MCTP1: variants seen among roughly 807,000 people sequenced by gnomAD.
MCTP1 encodes the protein multiple C2 and transmembrane domain containing 1.
A neutral mutation model predicts 120.6 loss-of-function variants in MCTP1; 69 were observed. The observed-to-expected ratio is 0.57, with a 90% confidence interval of 0.47 to 0.70. The LOEUF (loss-of-function observed/expected upper bound fraction) is 0.70. MCTP1 is among the 30% of genes least tolerant of loss of function. The probability of loss-of-function intolerance (pLI) is 0.00; values close to 1 mark genes in which losing one functional copy is unlikely to be tolerated. For missense variants in MCTP1, 1,203 were observed against 1,248.8 expected (o/e 0.96, Z 0.55); for synonymous variants, 529 against 493.1 (o/e 1.07, Z -0.96).
At chr5:95,126,465 T>TA (rs1269950767) in intron 1 of MCTP1, among the ~76,000 whole-genome samples, 1 of 152,200 alleles carries the variant, frequency 6.6e-6, no homozygotes, top group Non-Finnish European at 1.5e-5. Flanking sequence ...ATGGTCTGTT[T>TA]AAAGAAAAAC....
chr5:95,255,939 G>C (rs1011405908), intron 1 of MCTP1, among the ~76,000 whole-genome samples: 1 of 152,096 alleles, frequency 6.6e-6, no homozygotes, highest in Non-Finnish European at 1.5e-5. Flanking sequence ...CAAGCACAAC[G>C]GAAGTGTTCG....
At chr5:95,122,480 A>G (rs1758315040) in intron 1 of MCTP1, among the ~76,000 whole-genome samples, 2 of 152,216 alleles carry the variant, frequency 1.3e-5, no homozygotes. Context: ...AATGGCTTAT[A>G]TCCAAAAGAC....
chr5:94,956,056 C>G (rs1822532631), intron 2 of MCTP1, among the ~76,000 whole-genome samples: 1 of 152,214 alleles, frequency 6.6e-6, no homozygotes, highest in Non-Finnish European at 1.5e-5. Context: ...TGGGATGAAG[C>G]TTCCAGAGGA....
chr5:94,912,696 G>T, intron 9 of MCTP1, 110 bp downstream of exon 9: 1 of 848,142 alleles, frequency 1.2e-6, no homozygotes, highest in Non-Finnish European at 1.7e-6. Context: ...GTTCAAAAGA[G>T]TTTGTTAAGC....
chr5:95,199,134 A>C (rs1253483264), intron 1 of MCTP1, among the ~76,000 whole-genome samples: 1 of 152,206 alleles, frequency 6.6e-6, no homozygotes, highest in Non-Finnish European at 1.5e-5. Flanking sequence ...CATTAAACAT[A>C]AATACAAATT....
At chr5:94,719,818 C>T (rs1760439528) in intron 19 of MCTP1, among the ~76,000 whole-genome samples, 1 of 152,110 alleles carries the variant, frequency 6.6e-6, no homozygotes, top group Admixed American at 6.6e-5. Flanking sequence ...GCGCATGTGT[C>T]CCAGAACTTA....
At chr5:94,976,721 A>C (rs1828196691) in intron 2 of MCTP1, 1 of 152,120 alleles carries the variant, frequency 6.6e-6, no homozygotes, top group Non-Finnish European at 1.5e-5. Context: ...ATGTGTATAG[A>C]GAAGTTATGG....
At chr5:94,900,039 T>C (rs951129316) in intron 10 of MCTP1, among the ~76,000 whole-genome samples, 2 of 152,212 alleles carry the variant, frequency 1.3e-5, no homozygotes, top group Non-Finnish European at 2.9e-5. Context: ...TTTGCACTAT[T>C]TACGAGATAT....
chr5:94,947,720 G>T (rs1819478672), intron 3 of MCTP1, among the ~76,000 whole-genome samples: 1 of 149,840 alleles, frequency 6.7e-6, no homozygotes, highest in Non-Finnish European at 1.5e-5. Context: ...GGGTTTAAGG[G>T]ATCCTCCAGG....
In MCTP1 at chr5:94,707,460, C is replaced by T; in HGVS notation, c.*36G>A. ...CTGAGGGCTTTTTCTTTTATCTTCC[C>T]AAACAGATGCTGGTCTCCTCAGTGC... On this transcript the variant is annotated 3_prime_UTR_variant, in exon 23 of 23. Transcript: ENST00000515393. 6.6e-7 allele frequency: 1 copy of T among 1,525,678 alleles called. No individual in the cohort carries two copies. 94.5% of individuals were successfully genotyped at this position (1,525,678 alleles called of 1,614,324 possible). A position where few individuals can be genotyped will look rare whatever the true frequency, so the allele number is the denominator to read the frequency against.
chr5:95,082,477 G>A (rs1268071218), intron 1 of MCTP1, among the ~76,000 whole-genome samples: 1 of 151,824 alleles, frequency 6.6e-6, no homozygotes, highest in Non-Finnish European at 1.5e-5. Context: ...CCTCATCAAG[G>A]AAAAAAAGCT....
intron 17 of MCTP1, among the ~76,000 whole-genome samples, chr5:94,856,735 CA>C (rs1794781622): frequency 6.6e-6 from 1 of 151,544 alleles, no homozygotes; most frequent in South Asian, 2.1e-4. Flanking sequence ...GGAAATACAG[CA>C]AATAACAAAA....
At chr5:94,946,130 G>T (rs1255114104) in intron 3 of MCTP1, among the ~76,000 whole-genome samples, 1 of 152,146 alleles carries the variant, frequency 6.6e-6, no homozygotes, top group Admixed American at 6.5e-5. Context: ...AAAGGTAAAT[G>T]ATACAGCCTA....
intron 10 of MCTP1, among the ~76,000 whole-genome samples, chr5:94,897,062 T>C (rs113533968): frequency 0.033 from 5,060 of 152,122 alleles, 128 homozygotes; most frequent in South Asian, 0.099. Context: ...TTTTTTTAAA[T>C]TTTAATTTTT....
At chr5:95,040,309 A>T (rs759112537) in intron 1 of MCTP1, among the ~76,000 whole-genome samples, 2 of 152,052 alleles carry the variant, frequency 1.3e-5, no homozygotes, top group African/African-American at 4.8e-5. Flanking sequence ...ATGGTGGTTC[A>T]CACTTGTAAT....
At chr5:94,887,764 T>G (rs1801657578) in intron 12 of MCTP1, among the ~76,000 whole-genome samples, 1 of 152,202 alleles carries the variant, frequency 6.6e-6, no homozygotes, top group Non-Finnish European at 1.5e-5. Flanking sequence ...TAAACTAATA[T>G]TTTAAATTTT....
intron 17 of MCTP1, among the ~76,000 whole-genome samples, chr5:94,832,582 T>C (rs1788759280): frequency 6.7e-6 from 1 of 150,020 alleles, no homozygotes. Context: ...TTCACACAGG[T>C]TCCTTTCTCT....
At chr5:95,110,058 G>T (rs1282735042) in intron 1 of MCTP1, among the ~76,000 whole-genome samples, 8 of 151,788 alleles carry the variant, frequency 5.3e-5, no homozygotes, top group Non-Finnish European at 8.8e-5. Context: ...ATACCCAGTT[G>T]GTGGGCATAA....
chr5:95,210,735 T>G (rs1426864318), intron 1 of MCTP1, among the ~76,000 whole-genome samples: 2 of 152,110 alleles, frequency 1.3e-5, no homozygotes, highest in Non-Finnish European at 2.9e-5. Context: ...AGCTGGTTAT[T>G]TTGCTCGTTA....
Sources: gnomAD v4.1 joint callset for allele counts (sites outside exome capture counted in the v4.1 genomes callset) on GRCh38, gnomAD v4.1.1 for gene constraint, MANE v1.5 for transcripts, NCBI Gene and HGNC (gene_info 2026-07-23, HGNC 2026-07-21) for gene names.